Variants in RGMA observed in about 807,000 individuals in gnomAD.
RGMA encodes repulsive guidance molecule A.
A neutral mutation model predicts 23.2 loss-of-function variants in RGMA; 10 were observed. That is an observed-to-expected ratio of 0.43 (90% CI 0.27 to 0.73). The LOEUF (loss-of-function observed/expected upper bound fraction) is 0.73. RGMA is among the 30% of genes least tolerant of loss of function. The pLI, the probability that RGMA is intolerant of heterozygous loss-of-function variation, is 0.20. For missense variants in RGMA, 547 were observed against 630.5 expected, an observed-to-expected ratio of 0.87 and a Z score of 1.42; for synonymous variants, 308 against 279.3, an observed-to-expected ratio of 1.10 and a Z score of -1.03.
chr15:93,078,669 G>A (rs1221054262), intron 1 of RGMA, among the ~76,000 whole-genome samples: 1 of 152,300 alleles, frequency 6.6e-6, no homozygotes, highest in Non-Finnish European at 1.5e-5. Flanking sequence ...GGCCTCTTGC[G>A]AAGAACTTCA....
intron 1 of RGMA, among the ~76,000 whole-genome samples, chr15:93,075,811 C>G (rs1265427761): frequency 6.6e-6 from 1 of 152,080 alleles, no homozygotes; most frequent in Non-Finnish European, 1.5e-5. Flanking sequence ...GAAAGGGGCA[C>G]AAAAGGCTTT....
chr15:93,056,126 T>C (rs12916567), intron 2 of RGMA, among the ~76,000 whole-genome samples: 64,141 of 152,092 alleles, frequency 0.42, 13,799 homozygotes, highest in East Asian at 0.62. Context: ...GAGAGGCCCA[T>C]GCTGCTGGTC....
rs1442911214 is a variant in RGMA at position 93,044,434 on chromosome 15, AG to A, written c.*563del. On this transcript the variant is annotated 3_prime_UTR_variant, in exon 4 of 4. Coordinates refer to ENST00000329082, the MANE Select transcript of RGMA (RefSeq NM_020211.3). ...AGGCGGGCACGACCTACTGGCCAAA[AG>A]GTTCCAGCAGTCTGCTAAGGTGCCA... 6.5e-6 allele frequency: 1 copy of A among 155,004 alleles called. No individual in the cohort carries two copies. Among genetic ancestry groups the A allele is most frequent in the Non-Finnish European group, 1.4e-5 (1 of 69,904 alleles). 9.6% of individuals were successfully genotyped at this position (155,004 alleles called of 1,614,324 possible).
At chr15:93,067,341 C>T (rs776146206) in intron 2 of RGMA, among the ~76,000 whole-genome samples, 30 of 152,196 alleles carry the variant, frequency 2.0e-4, no homozygotes, top group Non-Finnish European at 3.2e-4. Context: ...AACAGAAACA[C>T]ACACAAAAAC....
intron 2 of RGMA, among the ~76,000 whole-genome samples, chr15:93,062,070 T>G (rs1894984333): frequency 6.7e-6 from 1 of 148,260 alleles, no homozygotes; most frequent in African/African-American, 2.5e-5. Context: ...GTAGGAGGGG[T>G]GGGGTGAGCC....
Position 93,045,220 on chromosome 15 carries a change from G to A in RGMA, c.1131C>T (p.Ala377=), listed in dbSNP as rs2054801583. ...CCGTGGTGAGGAGGTCGAAGACGCA[G>A]GCCTGGTAGTACAGGTCCTCCACCG... The part of the protein sequence containing the change: ...KLPVEDLYYQ[A]CVFDLLTTGD... Residue 377 remains alanine, a synonymous_variant, in exon 4 of 4, where the codon GCC becomes GCT. Transcript: ENST00000329082. The surrounding 1 kb of genome is among the most constrained non-coding windows in gnomAD (Gnocchi z 6.9). The A allele has an allele frequency of 1.2e-6, 2 of 1,612,608 alleles. No homozygotes were observed. Among genetic ancestry groups the A allele is most frequent in the Non-Finnish European group, 8.5e-7 (1 of 1,179,464 alleles).
chr15:93,054,567 C>T (rs1037131581), intron 2 of RGMA, among the ~76,000 whole-genome samples: 3 of 152,184 alleles, frequency 2.0e-5, no homozygotes, highest in Admixed American at 2.0e-4. Context: ...TAAGATGTGC[C>T]TTTGCTTCTC....
chr15:93,065,904 C>G (rs1044394621), intron 2 of RGMA: 2 of 718,500 alleles, frequency 2.8e-6, no homozygotes, highest in Middle Eastern at 2.6e-4. Context: ...TAGGCTGTTG[C>G]TGGCTGGGGG....
intron 1 of RGMA, among the ~76,000 whole-genome samples, chr15:93,084,293 G>A (rs923801746): frequency 2.0e-5 from 3 of 152,158 alleles, no homozygotes; most frequent in African/African-American, 7.2e-5. Context: ...CCCAGGAGAC[G>A]TTTTTGAGCA....
chr15:93,071,784 G>C (rs1895331951), intron 2 of RGMA, among the ~76,000 whole-genome samples: 1 of 152,238 alleles, frequency 6.6e-6, no homozygotes. Flanking sequence ...CTAAACTCAA[G>C]TCCTTTCTTG....
intron 2 of RGMA, among the ~76,000 whole-genome samples, chr15:93,069,579 C>A (rs1477417912): frequency 6.6e-5 from 10 of 152,122 alleles, no homozygotes; most frequent in African/African-American, 2.4e-4. Flanking sequence ...AAAGAAGGAA[C>A]AAAGAAAGTC....
intron 2 of RGMA, among the ~76,000 whole-genome samples, chr15:93,070,862 G>A (rs913047041): frequency 1.3e-5 from 2 of 152,228 alleles, no homozygotes; most frequent in African/African-American, 2.4e-5. Context: ...TTTGGGCTGT[G>A]ACTTATATAA....
intron 2 of RGMA, among the ~76,000 whole-genome samples, chr15:93,068,180 C>T (rs1275282668): frequency 6.6e-6 from 1 of 152,128 alleles, no homozygotes; most frequent in Non-Finnish European, 1.5e-5. Context: ...CCTGGGCAAA[C>T]TGGGATAAGT....
intron 2 of RGMA, among the ~76,000 whole-genome samples, chr15:93,063,685 C>T (rs1446209982): frequency 6.6e-6 from 1 of 152,206 alleles, no homozygotes; most frequent in Non-Finnish European, 1.5e-5. Context: ...TGCATTCCTC[C>T]CTGAGTCTAG....
intron 1 of RGMA, among the ~76,000 whole-genome samples, chr15:93,077,159 T>A (rs997758821): frequency 6.6e-6 from 1 of 151,982 alleles, no homozygotes; most frequent in African/African-American, 2.4e-5. Context: ...AAGGAAGAGG[T>A]GAAGCTGGAG....
intron 1 of RGMA, 60 bp from the exon 2 acceptor site, chr15:93,073,091 C>T (rs1443468712): frequency 2.4e-5 from 34 of 1,441,034 alleles, no homozygotes; most frequent in African/African-American, 2.9e-5. Context: ...AAAGGGCAGC[C>T]TCGCTCCGCC....
In RGMA at chr15:93,080,471, C is replaced by CA. The variant is rs554702857; in HGVS notation, c.15-7441dup. Among the ~76,000 whole-genome samples, 756 of 152,324 alleles carry CA rather than the reference C, an allele frequency of 5.0e-3. 3 individuals carry two copies. The highest frequency in any genetic ancestry group is 8.2e-3 in the Admixed American group (126 of 15,294). ...TGAGGTCACCCAGCAGGCTTGGTGA[C>CA]AGAGTGAGGTTTGGGCAGCTCTGGG... On this transcript the variant is annotated intron_variant, in intron 1 of 3. Coordinates refer to ENST00000329082, the MANE Select transcript of RGMA (RefSeq NM_020211.3).
chr15:93,083,440 AC>A (rs1181333263), intron 1 of RGMA, among the ~76,000 whole-genome samples: 4 of 151,976 alleles, frequency 2.6e-5, no homozygotes, highest in Admixed American at 6.6e-5. Flanking sequence ...CGATCTTCCC[AC>A]CTCAGCCCCT....
At chr15:93,050,107 C>T (rs1272245121) in intron 3 of RGMA, among the ~76,000 whole-genome samples, 14 of 152,232 alleles carry the variant, frequency 9.2e-5, no homozygotes. Flanking sequence ...AGCCAAGGCT[C>T]CCAATGGCCT....
Sources: gnomAD v4.1 joint callset for allele counts (sites outside exome capture counted in the v4.1 genomes callset) on GRCh38, gnomAD v4.1.1 for gene constraint, Gnocchi (gnomAD v3.1) non-coding constraint, MANE v1.5 for transcripts, NCBI Gene and HGNC (gene_info 2026-07-23, HGNC 2026-07-21) for gene names.